The following SRGAP3 variants were observed in gnomAD, a reference collection of about 807,000 sequenced individuals.
SRGAP3 encodes SLIT-ROBO Rho GTPase activating protein 3, also known as SLIT-ROBO Rho GTPase-activating protein 3.
A neutral mutation model predicts 121.1 loss-of-function variants in SRGAP3; 39 were observed. The observed-to-expected ratio is 0.32, with a 90% CI of 0.25 to 0.42. The LOEUF (loss-of-function observed/expected upper bound fraction) is 0.42. SRGAP3 is among the 10% of genes least tolerant of loss of function. The probability of loss-of-function intolerance (pLI) is 1.00; values close to 1 mark genes in which losing one functional copy is unlikely to be tolerated. For missense variants in SRGAP3, 1,213 were observed against 1,470.6 expected, an observed-to-expected ratio of 0.82 and a Z score of 2.86; for synonymous variants, 601 against 570.0, an observed-to-expected ratio of 1.05 and a Z score of -0.77.
intron 1 of SRGAP3, among the ~76,000 whole-genome samples, chr3:9,186,780 A>G (rs926860002): frequency 2.6e-5 from 4 of 152,120 alleles, no homozygotes; most frequent in Non-Finnish European, 4.4e-5. Context: ...AATCTACTCA[A>G]TTTGAGTCCA....
At chr3:9,221,595 G>A (rs1047186318) in intron 1 of SRGAP3, among the ~76,000 whole-genome samples, 1 of 152,044 alleles carries the variant, frequency 6.6e-6, no homozygotes, top group Non-Finnish European at 1.5e-5. Context: ...CCCTGCTCTT[G>A]GTAAAGAGCC....
At chr3:9,076,055 T>A (rs3856903) in intron 4 of SRGAP3, among the ~76,000 whole-genome samples, 25,818 of 152,122 alleles carry the variant, frequency 0.17, 2,358 homozygotes, top group East Asian at 0.34. Context: ...CAATGGGATA[T>A]TAGCAAATAT....
In SRGAP3 at chr3:9,239,511, T is replaced by C. The variant is rs999584976; in HGVS notation, c.67+9374A>G. Among the ~76,000 whole-genome samples the C allele has an allele frequency of 1.3e-5, 2 of 152,206 alleles. No homozygotes were observed. Among genetic ancestry groups the C allele is most frequent in the African/African-American group, 2.4e-5 (1 of 41,448 alleles). On this transcript the variant is annotated intron_variant, in intron 1 of 21. Transcript: ENST00000383836. This position sits in a 1 kb window ranked among gnomAD's most constrained non-coding sequence, Gnocchi z 4.0. ...AGGCACAAGGGAACATGGGCTTCTC[T>C]GTGTTCATCTGTGCCATTATCACCT...
intron 3 of SRGAP3, among the ~76,000 whole-genome samples, chr3:9,260,603 C>A (rs532114594): frequency 1.6e-4 from 25 of 152,258 alleles, no homozygotes; most frequent in Non-Finnish European, 2.9e-4. Context: ...CTCTAGATTC[C>A]TCCTCTCTGG....
chr3:9,314,368 C>G (rs1381548766), intron 3 of SRGAP3, among the ~76,000 whole-genome samples: 3 of 151,598 alleles, frequency 2.0e-5, no homozygotes, highest in Non-Finnish European at 4.4e-5. Flanking sequence ...CCAGCCTGGG[C>G]AACACAGGGA....
chr3:9,187,910 A>C (rs1371102705), intron 1 of SRGAP3, among the ~76,000 whole-genome samples: 1 of 152,222 alleles, frequency 6.6e-6, no homozygotes, highest in Non-Finnish European at 1.5e-5. Flanking sequence ...AACCAGGTTC[A>C]CAACAAATCC....
chr3:9,347,396 CTTTCAGTT>C (rs1955909883), intron 1 of SRGAP3, among the ~76,000 whole-genome samples: 1 of 152,038 alleles, frequency 6.6e-6, no homozygotes, highest in Non-Finnish European at 1.5e-5. Context: ...GACAGGGCAA[CTTTCAGTT>C]TTTCAAACAC....
At chr3:9,279,414 C>CATT (rs1954639036) in intron 3 of SRGAP3, among the ~76,000 whole-genome samples, 1 of 151,942 alleles carries the variant, frequency 6.6e-6, no homozygotes, top group South Asian at 2.1e-4. Context: ...CTAAGTAAGT[C>CATT]ATTATGACCA....
At chr3:9,027,984 C>T in intron 12 of SRGAP3, 1 of 1,231,722 alleles carries the variant, frequency 8.1e-7, no homozygotes, top group Non-Finnish European at 1.2e-6. Flanking sequence ...TGCCCAGGGA[C>T]AGGACAAGAA....
chr3:9,296,175 T>A (rs1222409565), intron 3 of SRGAP3, among the ~76,000 whole-genome samples: 1 of 152,206 alleles, frequency 6.6e-6, no homozygotes, highest in African/African-American at 2.4e-5. Flanking sequence ...AATTACTGGA[T>A]CATGTGGTGA....
rs71314328 is a variant in SRGAP3 at position 9,155,977 on chromosome 3, C to G, written c.68-31060G>C. Among the ~76,000 whole-genome samples the G allele has an allele frequency of 5.9e-5, 9 of 151,958 alleles. No individual in the cohort carries two copies. In the East Asian group the frequency reaches 9.8e-4, roughly 16 times the overall value. On this transcript the variant is annotated intron_variant, in intron 1 of 21. Transcript: ENST00000383836. The stretch of plus-strand genomic sequence containing the variant: ...ACTACAGGCACCCGCCACCACGCCC[C>G]GCTAATTTTTTGTATTTTTAGTAGA...
At chr3:9,292,187 C>T (rs1954881264) in intron 3 of SRGAP3, among the ~76,000 whole-genome samples, 1 of 152,226 alleles carries the variant, frequency 6.6e-6, no homozygotes, top group Non-Finnish European at 1.5e-5. Context: ...CAAACTGTAG[C>T]GTGCATCAGA....
Position 9,040,849 on chromosome 3 carries a change from T to G in SRGAP3, c.1409-2759A>C, listed in dbSNP as rs1944977885. On this transcript the variant is annotated intron_variant, in intron 10 of 21. Coordinates refer to ENST00000383836, the MANE Select transcript of SRGAP3 (RefSeq NM_014850.4). ...TTAAATTATCAATACATGTAGCTTA[T>G]CATTAATATTTTTCTTACTTATTAT... Among the ~76,000 whole-genome samples the G allele has an allele frequency of 3.9e-5, 6 of 152,354 alleles. 2 individuals carry two copies. The highest frequency in any genetic ancestry group is 3.9e-4 in the Admixed American group (6 of 15,310).
chr3:9,010,582 C>T (rs1242526239), intron 17 of SRGAP3, among the ~76,000 whole-genome samples, 195 bp from the exon 18 acceptor site: 3 of 152,142 alleles, frequency 2.0e-5, no homozygotes, highest in Admixed American at 1.3e-4. Flanking sequence ...CTCCTCCTTG[C>T]GAAGCTTCCC....
At chr3:9,119,128 G>A (rs1033736828) in intron 2 of SRGAP3, among the ~76,000 whole-genome samples, 1 of 152,138 alleles carries the variant, frequency 6.6e-6, no homozygotes, top group Non-Finnish European at 1.5e-5. Context: ...GTAAACAGAC[G>A]ATGACAATAC....
At chr3:9,187,934 A>G (rs896132122) in intron 1 of SRGAP3, among the ~76,000 whole-genome samples, 2 of 152,228 alleles carry the variant, frequency 1.3e-5, no homozygotes, top group Non-Finnish European at 2.9e-5. Context: ...AAACTCATTT[A>G]GCAAACAACC....
At chr3:9,028,703 A>G (rs1559950485) in intron 12 of SRGAP3, among the ~76,000 whole-genome samples, 1 of 152,178 alleles carries the variant, frequency 6.6e-6, no homozygotes, top group Admixed American at 6.5e-5. Context: ...CCTGATGCCA[A>G]ATTCCAAACA....
intron 1 of SRGAP3, among the ~76,000 whole-genome samples, chr3:9,181,576 C>T (rs1208980734): frequency 2.6e-5 from 4 of 152,150 alleles, no homozygotes; most frequent in African/African-American, 4.8e-5. Flanking sequence ...GCTAGCTGCC[C>T]GCAAGGGATG....
At chr3:9,232,189 C>T (rs1481339517) in intron 1 of SRGAP3, among the ~76,000 whole-genome samples, 1 of 152,208 alleles carries the variant, frequency 6.6e-6, no homozygotes, top group Admixed American at 6.5e-5. Context: ...ATTTAAATAG[C>T]TCTTGCAGGT....
Sources: allele counts gnomAD v4.1 joint callset (sites outside exome capture counted in the v4.1 genomes callset), GRCh38; gene constraint gnomAD v4.1.1; non-coding constraint Gnocchi (gnomAD v3.1); transcripts MANE v1.5; gene names NCBI Gene and HGNC (gene_info 2026-07-23, HGNC 2026-07-21).